The following AGPS variants were observed in gnomAD, a reference collection of about 807,000 sequenced individuals.
AGPS encodes alkyldihydroxyacetonephosphate synthase, peroxisomal.
A neutral mutation model predicts 90.7 loss-of-function variants in AGPS; 26 were observed. That is an observed-to-expected ratio of 0.29 (90% CI 0.21 to 0.40). The LOEUF (loss-of-function observed/expected upper bound fraction) is 0.40. Among genes scored for constraint, AGPS ranks in the 10% least tolerant of loss-of-function variants. The pLI is 1.00. For synonymous variants in AGPS, 294 were observed against 285.3 expected (o/e 1.03, Z -0.31); for missense variants, 540 against 816.1 (o/e 0.66, Z 4.12).
chr2:177,441,079 T>C (rs779898867), intron 6 of AGPS, 43 bp downstream of exon 6: 3 of 1,419,646 alleles, frequency 2.1e-6, no homozygotes, highest in Non-Finnish European at 3.0e-6. Context: ...AAATTTGTTC[T>C]ATTTAAAATA....
At chr2:177,437,097 A>G in intron 5 of AGPS, 43 bp downstream of exon 5, 1 of 1,566,118 alleles carries the variant, frequency 6.4e-7, no homozygotes, top group East Asian at 2.2e-5. Flanking sequence ...GTATTGCTAA[A>G]TTTTAGGTAA....
At chr2:177,457,452 G>T (rs1382789338) in intron 8 of AGPS, among the ~76,000 whole-genome samples, 1 of 151,978 alleles carries the variant, frequency 6.6e-6, no homozygotes, top group Non-Finnish European at 1.5e-5. Context: ...TAATAAAGAA[G>T]AAAAGAGAGA....
Position 177,539,318 on chromosome 2 carries a change from G to A in AGPS, c.*1123G>A, listed in dbSNP as rs184380875. The A allele has an allele frequency of 1.3e-5, 2 of 151,894 alleles. No homozygotes were observed. Among genetic ancestry groups the A allele is most frequent in the Non-Finnish European group, 1.5e-5 (1 of 67,868 alleles). 9.4% of individuals were successfully genotyped at this position (151,894 alleles called of 1,614,324 possible). On this transcript the variant is annotated 3_prime_UTR_variant, in exon 20 of 20. Coordinates refer to ENST00000264167, the MANE Select transcript of AGPS (RefSeq NM_003659.4). ...TTTTTTTTAAATGTAATGTATTAAT[G>A]CATATACCATAATCAAAAGTTTGAA...
chr2:177,504,776 G>A (rs1406790345), intron 14 of AGPS, among the ~76,000 whole-genome samples: 2 of 151,900 alleles, frequency 1.3e-5, no homozygotes, highest in African/African-American at 4.8e-5. Context: ...AATGGAAAAA[G>A]CATAATTAAA....
chr2:177,508,120 T>A, intron 16 of AGPS, 89 bp downstream of exon 16: 1 of 977,884 alleles, frequency 1.0e-6, no homozygotes, highest in Non-Finnish European at 1.6e-6. Flanking sequence ...TATGTAAGTT[T>A]AAAACATTTT....
intron 16 of AGPS, among the ~76,000 whole-genome samples, chr2:177,513,422 T>C (rs1444575248): frequency 2.0e-5 from 3 of 152,192 alleles, no homozygotes; most frequent in Non-Finnish European, 4.4e-5. Context: ...GAAAACTTCT[T>C]AGACATGGGT....
chr2:177,511,889 A>G (rs1346820299), intron 16 of AGPS, among the ~76,000 whole-genome samples: 1 of 152,198 alleles, frequency 6.6e-6, no homozygotes, highest in Non-Finnish European at 1.5e-5. Context: ...GAGGGTTTAG[A>G]TATAAGGAGC....
intron 8 of AGPS, among the ~76,000 whole-genome samples, chr2:177,450,579 C>G (rs1354766298): frequency 1.3e-5 from 2 of 151,998 alleles, no homozygotes; most frequent in Non-Finnish European, 2.9e-5. Flanking sequence ...GACTTTGCAC[C>G]ATCATTTAAA....
chr2:177,492,811 A>G (rs1688303642), intron 11 of AGPS, among the ~76,000 whole-genome samples: 2 of 152,236 alleles, frequency 1.3e-5, no homozygotes, highest in African/African-American at 4.8e-5. Flanking sequence ...TTTGTTCTAA[A>G]ATAATCCACT....
chr2:177,422,445 C>CTTT (rs1685967761), intron 2 of AGPS, among the ~76,000 whole-genome samples: 1 of 152,076 alleles, frequency 6.6e-6, no homozygotes, highest in Non-Finnish European at 1.5e-5. Context: ...GAATGCATTC[C>CTTT]TTAAAGGCCT....
intron 17 of AGPS, among the ~76,000 whole-genome samples, chr2:177,515,694 G>A (rs945795379): frequency 1.3e-5 from 2 of 152,152 alleles, no homozygotes; most frequent in Non-Finnish European, 2.9e-5. Context: ...AGTAGAATTA[G>A]TATATTTAGA....
chr2:177,517,958 A>G (rs1454272677), intron 17 of AGPS, among the ~76,000 whole-genome samples: 2 of 152,196 alleles, frequency 1.3e-5, no homozygotes, highest in Non-Finnish European at 2.9e-5. Context: ...TTCAAGTTAC[A>G]CATTTCAGCA....
At chr2:177,461,832 G>T in intron 8 of AGPS, 61 bp from the exon 9 acceptor site, 6 of 1,507,348 alleles carry the variant, frequency 4.0e-6, no homozygotes, top group Non-Finnish European at 5.4e-6. Flanking sequence ...GAGTTAATGT[G>T]TTGAGTGCTG....
intron 1 of AGPS, among the ~76,000 whole-genome samples, chr2:177,400,059 T>C (rs1398060873): frequency 2.0e-5 from 3 of 152,222 alleles, no homozygotes; most frequent in Non-Finnish European, 2.9e-5. Context: ...TAATATAAAG[T>C]GCATATCAAA....
Position 177,401,792 on chromosome 2 carries a change from C to T in AGPS, c.260+8743C>T, listed in dbSNP as rs149664838. On this transcript the variant is annotated intron_variant, in intron 1 of 19. Coordinates refer to ENST00000264167, the MANE Select transcript of AGPS (RefSeq NM_003659.4). ...AACTCCTGACCTCAGGTGATCTGTCCGCCTTGGCCTCCCAAAGTACTGGGA... is the reference window on the plus strand; with the variant it reads ...AACTCCTGACCTCAGGTGATCTGTCTGCCTTGGCCTCCCAAAGTACTGGGA... 4.7e-3 allele frequency among the ~76,000 whole-genome samples: 719 copies of T among 152,260 alleles called. 5 individuals are homozygous for T. Among genetic ancestry groups the T allele is most frequent in the African/African-American group, 0.016 (672 of 41,550 alleles).
At chr2:177,454,174 A>C (rs948687118) in intron 8 of AGPS, among the ~76,000 whole-genome samples, 3 of 149,186 alleles carry the variant, frequency 2.0e-5, no homozygotes, top group Non-Finnish European at 4.5e-5. Context: ...TATCCAATAA[A>C]CCCCCCTCCC....
At chr2:177,512,173 TTTA>T (rs1286708624) in intron 16 of AGPS, among the ~76,000 whole-genome samples, 2 of 151,918 alleles carry the variant, frequency 1.3e-5, no homozygotes, top group African/African-American at 2.4e-5. Flanking sequence ...CTTAATAGAT[TTTA>T]TTTATATTTA....
chr2:177,467,001 A>C (rs559802035), intron 9 of AGPS, among the ~76,000 whole-genome samples: 1 of 152,048 alleles, frequency 6.6e-6, no homozygotes, highest in African/African-American at 2.4e-5. Flanking sequence ...TGCTCTGCCA[A>C]CTAGGAAGGG....
Position 177,513,846 on chromosome 2 carries a change from A to G in AGPS, c.1635A>G (p.Lys545=). 6.2e-7 allele frequency: 1 copy of G among 1,613,410 alleles called. No homozygotes were observed. Among genetic ancestry groups the G allele is most frequent in the South Asian group, 1.1e-5 (1 of 91,062 alleles). Residue 545 remains lysine (K), a synonymous_variant, in exon 17 of 20, where the codon AAA becomes AAG. Coordinates refer to ENST00000264167, the MANE Select transcript of AGPS (RefSeq NM_003659.4). ...TGGTAGATCTCTGTAGAAATGTAAA[A>G]GAAAGAATAACAAGGGAATGCAAAG... ...DRVVDLCRNV[K]ERITRECKEK...
Sources: gnomAD v4.1 joint callset for allele counts (sites outside exome capture counted in the v4.1 genomes callset) on GRCh38, gnomAD v4.1.1 for gene constraint, MANE v1.5 for transcripts, NCBI Gene and HGNC (gene_info 2026-07-23, HGNC 2026-07-21) for gene names.